Variants in MFSD12 observed in about 807,000 individuals in gnomAD.
The protein encoded by MFSD12 is major facilitator superfamily domain-containing protein 12.
In MFSD12, 67 loss-of-function variants were observed where a neutral mutation model predicts 51.2. The observed-to-expected ratio is 1.31, with a 90% CI of 1.08 to 1.60. The LOEUF (loss-of-function observed/expected upper bound fraction) is 1.60. Among genes scored for constraint, MFSD12 ranks in the 40% most tolerant of loss-of-function variants. MFSD12 has a pLI of 0.00. For missense variants in MFSD12, 921 were observed against 673.0 expected, an observed-to-expected ratio of 1.37 and a Z score of -4.08; for synonymous variants, 441 against 316.7, an observed-to-expected ratio of 1.39 and a Z score of -4.17.
rs754780094 is a variant in MFSD12 at position 3,551,038 on chromosome 19, A to G, written c.455T>C (p.Leu152Pro). The G allele has an allele frequency of 2.4e-5, 39 of 1,612,776 alleles. No homozygotes were observed. Among genetic ancestry groups the G allele is most frequent in the Non-Finnish European group, 3.1e-5 (36 of 1,179,998 alleles). Residue 152 changes from leucine to proline, a missense_variant, in exon 2 of 10, where the codon CTC becomes CCC. Coordinates refer to ENST00000355415, the MANE Select transcript of MFSD12 (RefSeq NM_174983.5). This position sits in a 1 kb window ranked among gnomAD's most constrained non-coding sequence, Gnocchi z 4.6. ...GTCGTTGGTGACGAGCTCCGGGATG[A>G]GGCTGAGGTGGGAGATCTGTGTGGA... ...WASTQISHLS[L>P]IPELVTNDHE...
chr19:3,546,096 T>G lies in MFSD12; in HGVS notation c.1267A>C (p.Ile423Leu). 2.5e-6 allele frequency: 4 copies of G among 1,613,370 alleles called. No homozygotes were observed. Among genetic ancestry groups the G allele is most frequent in the Middle Eastern group, 3.3e-4 (2 of 6,062 alleles). Residue 423 changes from isoleucine (I) to leucine (L), a missense_variant, in exon 8 of 10, where the codon ATC becomes CTC. Transcript: ENST00000355415. ...CACGGGCAAGGGTGCAGGCTCTGGA[T>G]GGCCATGACTGCCAGCCCATTGGCC... Reference protein sequence around the residue: ...KVANGLAVMAIQSLHPCPSEL... With the variant: ...KVANGLAVMALQSLHPCPSEL...
chr19:3,548,345 G>C, intron 2 of MFSD12, 78 bp from the exon 3 acceptor site: 1 of 1,520,470 alleles, frequency 6.6e-7, no homozygotes, highest in South Asian at 1.2e-5. Context: ...TACGCCGTCA[G>C]AGAGGCCTGG....
At chr19:3,557,037 G>A (rs1212799782) in intron 1 of MFSD12, 69 bp downstream of exon 1, 1 of 1,245,978 alleles carries the variant, frequency 8.0e-7, no homozygotes, top group African/African-American at 1.6e-5. Flanking sequence ...GTGAGTCAGA[G>A]GGAGGAGGCG....
At chr19:3,544,048 C>T (rs762661736), downstream of MFSD12, 3 of 1,497,996 alleles carry the variant, frequency 2.0e-6, no homozygotes, top group East Asian at 2.5e-5. Flanking sequence ...TCTCTGCACC[C>T]AGATGAGGGG....
At chr19:3,541,621 C>G, downstream of MFSD12, 1 of 984,096 alleles carries the variant, frequency 1.0e-6, no homozygotes, top group Non-Finnish European at 1.2e-6. Flanking sequence ...GCACCCAGTG[C>G]AAGACCCTAT....
Position 3,546,345 on chromosome 19 carries a change from C to T in MFSD12, c.1104G>A (p.Val368=). 1 of 1,607,858 alleles carries T rather than the reference C, an allele frequency of 6.2e-7. No individual in the cohort carries two copies. Among genetic ancestry groups the T allele is most frequent in the Non-Finnish European group, 8.5e-7 (1 of 1,178,040 alleles). ...CACCCAGCAGCACAGCCGCTGCGTACACGGCCACACCCAGTCCCTCCGCCA... is the reference window on the plus strand; with the variant it reads ...CACCCAGCAGCACAGCCGCTGCGTATACGGCCACACCCAGTCCCTCCGCCA... The part of the protein sequence containing the change: ...VALAEGLGVA[V]YAAAVLLGAG... Residue 368 remains valine, a synonymous_variant, in exon 7 of 10, where the codon GTG becomes GTA. Transcript: ENST00000355415.
In MFSD12 at chr19:3,551,340, T is replaced by G. The variant is rs968454752; in HGVS notation, c.299-146A>C. The G allele has an allele frequency of 1.7e-5, 11 of 652,788 alleles. No homozygotes were observed. The highest frequency in any genetic ancestry group is 2.8e-5 in the Non-Finnish European group (11 of 393,626). The allele number at this position is 652,788 out of a possible 1,614,324, so 40.4% of individuals were successfully genotyped here. A position where few individuals can be genotyped will look rare whatever the true frequency, so the allele number is the denominator to read the frequency against. On this transcript the variant is annotated intron_variant, in intron 1 of 9. Transcript: ENST00000355415. The surrounding 1 kb of genome is among the most constrained non-coding windows in gnomAD (Gnocchi z 4.6). The stretch of plus-strand genomic sequence containing the variant: ...ACACAGTCACGCAGGAGCGAGGGTC[T>G]GCAGTCGGGGTCCCCCAGGCTTATG...
chr19:3,539,656 G>C (rs2122066119), downstream of MFSD12: 1 of 203,682 alleles, frequency 4.9e-6, no homozygotes, highest in Middle Eastern at 1.8e-3. Flanking sequence ...TTGGCCCCCG[G>C]TCTCTGCTTC....
Position 3,557,125 on chromosome 19 carries a change from G to C in MFSD12, c.279C>G (p.Arg93=). ...GCTTACCGACCAGGTGCCAGGCCTT[G>C]CGCGGGCCGTAGCGGGCGCAGCAGC... ...AASCCARYGP[R]KAWHLVGTVC... is the part of the protein sequence containing the mutation. Residue 93 remains arginine, a synonymous_variant, in exon 1 of 10, where the codon CGC becomes CGG. Coordinates refer to ENST00000355415, the MANE Select transcript of MFSD12 (RefSeq NM_174983.5). 1 of 1,501,720 alleles carries C rather than the reference G, an allele frequency of 6.7e-7. No individual in the cohort carries two copies. Among genetic ancestry groups the C allele is most frequent in the Non-Finnish European group, 8.9e-7 (1 of 1,128,486 alleles). 93.0% of individuals were successfully genotyped at this position (1,501,720 alleles called of 1,614,324 possible). A position where few individuals can be genotyped will look rare whatever the true frequency, so the allele number is the denominator to read the frequency against.
intron 1 of MFSD12, among the ~76,000 whole-genome samples, chr19:3,555,622 C>A (rs2031691329): frequency 6.6e-6 from 1 of 152,178 alleles, no homozygotes; most frequent in South Asian, 2.1e-4. Flanking sequence ...GCTGCGGAGC[C>A]TGCCACCCTC....
chr19:3,538,310 T>G (rs2030071036), exon 5 of MFSD12: 1 of 170,106 alleles, frequency 5.9e-6, no homozygotes, highest in African/African-American at 2.4e-5. Flanking sequence ...TGTGGTAAAA[T>G]ACAAAATCTA....
chr19:3,544,341 C>T lies in MFSD12; in HGVS notation c.*369G>A, dbSNP rs2030751328. The T allele has an allele frequency of 2.4e-6, 3 of 1,271,774 alleles. No homozygotes were observed. The highest frequency in any genetic ancestry group is 3.8e-5 in the Admixed American group (1 of 26,452). The allele number at this position is 1,271,774 out of a possible 1,614,324, so 78.8% of individuals were successfully genotyped here. The stretch of plus-strand genomic sequence containing the variant: ...TCCAGCCGTCCTGAGGGGGCCCTGG[C>T]AGTGTCTGGAGACCCCCAGGCTGGA... On this transcript the variant is annotated 3_prime_UTR_variant, in exon 10 of 10. Transcript: ENST00000355415.
At chr19:3,550,584 G>A (rs1196202772) in intron 2 of MFSD12, among the ~76,000 whole-genome samples, 1 of 152,064 alleles carries the variant, frequency 6.6e-6, no homozygotes, top group African/African-American at 2.4e-5. Flanking sequence ...GTAGAGACGA[G>A]GTTTCACGTG....
At chr19:3,545,080 TCCTGTCCCACAC>T in intron 8 of MFSD12, 141 bp from the exon 9 acceptor site, 1 of 1,136,404 alleles carries the variant, frequency 8.8e-7, no homozygotes, top group Admixed American at 2.7e-5. Context: ...ACTCCCTCCC[TCCTGTCCCACAC>T]CCAACAGCTC....
chr19:3,543,784 C>A (rs772477404), downstream of MFSD12: 1 of 1,492,544 alleles, frequency 6.7e-7, no homozygotes, highest in South Asian at 1.3e-5. Flanking sequence ...TGCTGGCCAA[C>A]GGCGAGGAGG....
intron 7 of MFSD12, 22 bp downstream of exon 7, chr19:3,546,233 C>T (rs1244544281): frequency 1.2e-6 from 2 of 1,606,942 alleles, no homozygotes; most frequent in African/African-American, 2.7e-5. Context: ...CTCCCCCACC[C>T]CAGCCTGGCT....
In MFSD12 at chr19:3,546,267, G is replaced by A. The variant is rs202104550; in HGVS notation, c.1182C>T (p.Ile394=). The change falls in exon 7 of 10, where the codon ATC becomes ATT. Residue 394 remains isoleucine (I), a synonymous_variant. Transcript: ENST00000355415. The part of the protein sequence containing the change: ...VTSLAMTADL[I]GPHTNSGAFV... The stretch of plus-strand genomic sequence containing the variant: ...CTACCAGCCCTACCGTGTGGGGACC[G>A]ATGAGGTCGGCCGTCATGGCCAGCG... The A allele has an allele frequency of 3.0e-4, 491 of 1,610,616 alleles. No individual in the cohort carries two copies. Among genetic ancestry groups the A allele is most frequent in the African/African-American group, 4.8e-4 (36 of 75,056 alleles).
At chr19:3,543,209 AG>A (rs1353156604), downstream of MFSD12, 4 of 1,535,704 alleles carry the variant, frequency 2.6e-6, no homozygotes, top group African/African-American at 2.7e-5. Context: ...ACATGGGCTC[AG>A]TCTCTGCCCC....
exon 5 of MFSD12, chr19:3,538,345 A>G (rs2030073881): frequency 4.8e-6 from 1 of 206,998 alleles, no homozygotes; most frequent in African/African-American, 2.3e-5. Context: ...GGTGGCGTTC[A>G]GTACCTTCAC....
Sources: allele counts gnomAD v4.1 joint callset (sites outside exome capture counted in the v4.1 genomes callset), GRCh38; gene constraint gnomAD v4.1.1; non-coding constraint Gnocchi (gnomAD v3.1); transcripts MANE v1.5; gene names NCBI Gene and HGNC (gene_info 2026-07-23, HGNC 2026-07-21).